The following ICA1L variants were observed in gnomAD, a reference collection of about 807,000 sequenced individuals.
The protein encoded by ICA1L is islet cell autoantigen 1 like.
Under a neutral mutation model 61.3 loss-of-function variants are expected in ICA1L, and 50 were observed. The ratio of observed to expected loss-of-function variants is 0.82; its 90% CI spans 0.65 to 1.03. The LOEUF is 1.03. Ranked by LOEUF, ICA1L falls within the 50% of genes least tolerant of loss-of-function variation. ICA1L has a pLI of 0.00. For synonymous variants in ICA1L, 161 were observed against 191.3 expected, an observed-to-expected ratio of 0.84 and a Z score of 1.31; for missense variants, 508 against 556.7, an observed-to-expected ratio of 0.91 and a Z score of 0.88.
At chr2:202,863,939 G>A (rs1687381628) in intron 1 of ICA1L, among the ~76,000 whole-genome samples, 1 of 151,774 alleles carries the variant, frequency 6.6e-6, no homozygotes, top group Admixed American at 6.6e-5. Context: ...TACAACTTAA[G>A]TTAAATAGAC....
intron 10 of ICA1L, among the ~76,000 whole-genome samples, chr2:202,792,488 A>G (rs34022184): frequency 0.014 from 2,130 of 152,336 alleles, 20 homozygotes; most frequent in Non-Finnish European, 0.024. Flanking sequence ...TATCCATACA[A>G]TGGAATACTA....
At chr2:202,796,791 T>C in intron 10 of ICA1L, 99 bp downstream of exon 10, 1 of 659,766 alleles carries the variant, frequency 1.5e-6, no homozygotes, top group Non-Finnish European at 2.5e-6. Flanking sequence ...CATTCTTATG[T>C]AGAGACCCAG....
At chr2:202,829,848 T>C (rs1220252380) in intron 1 of ICA1L, among the ~76,000 whole-genome samples, 1 of 152,236 alleles carries the variant, frequency 6.6e-6, no homozygotes, top group Admixed American at 6.5e-5. Flanking sequence ...GTAATAAAAC[T>C]GCAAAATAAA....
At chr2:202,859,503 T>C (rs531537886) in intron 1 of ICA1L, among the ~76,000 whole-genome samples, 7 of 152,324 alleles carry the variant, frequency 4.6e-5, no homozygotes, top group African/African-American at 1.4e-4. Context: ...ACTGTAATCA[T>C]AACATCAATA....
chr2:202,830,542 A>T (rs17594321), intron 1 of ICA1L, among the ~76,000 whole-genome samples: 63,684 of 152,164 alleles, frequency 0.42, 14,271 homozygotes, highest in Middle Eastern at 0.66. Context: ...AACATTTTGG[A>T]TCTAAAGCCC....
chr2:202,833,707 T>C (rs1322314914), intron 1 of ICA1L, among the ~76,000 whole-genome samples: 1 of 152,228 alleles, frequency 6.6e-6, no homozygotes, highest in East Asian at 1.9e-4. Context: ...ATTACAGATG[T>C]TATGTATATC....
intron 4 of ICA1L, 135 bp from the exon 5 acceptor site, chr2:202,820,034 A>G (rs1001767634): frequency 1.5e-6 from 1 of 679,750 alleles, no homozygotes; most frequent in Non-Finnish European, 2.5e-6. Context: ...TCCTAAGGAG[A>G]TTTTGAAAGC....
At chr2:202,796,798 C>T (rs1692938993) in intron 10 of ICA1L, 92 bp downstream of exon 10, 3 of 707,428 alleles carry the variant, frequency 4.2e-6, no homozygotes, top group Middle Eastern at 4.1e-4. Context: ...ATGTAGAGAC[C>T]CAGACAGTTT....
intron 9 of ICA1L, among the ~76,000 whole-genome samples, chr2:202,804,153 G>C (rs1693164722): frequency 1.3e-5 from 2 of 152,264 alleles, no homozygotes; most frequent in Admixed American, 1.3e-4. Flanking sequence ...CATGCTTACA[G>C]GCACATTCCA....
In ICA1L at chr2:202,778,427, G is replaced by C. The variant is rs1222235970; in HGVS notation, c.*1106C>G. On this transcript the variant is annotated 3_prime_UTR_variant, in exon 13 of 13. Coordinates refer to ENST00000358299, the MANE Select transcript of ICA1L (RefSeq NM_001288622.3). ...ACAGATTTTGCTTAGTAATCAAATA[G>C]AACCTCAGATCATGTCACCCACAGA... 6.6e-6 allele frequency: 1 copy of C among 152,070 alleles called. No homozygotes were observed. Among genetic ancestry groups the C allele is most frequent in the Non-Finnish European group, 1.5e-5 (1 of 68,000 alleles). The allele number at this position is 152,070 out of a possible 1,614,324, so 9.4% of individuals were successfully genotyped here. A position where few individuals can be genotyped will look rare whatever the true frequency, so the allele number is the denominator to read the frequency against.
chr2:202,823,886 G>A (rs2105854500), intron 3 of ICA1L, among the ~76,000 whole-genome samples: 1 of 152,040 alleles, frequency 6.6e-6, no homozygotes, highest in South Asian at 2.1e-4. Context: ...TACTTCCTTG[G>A]GAAAAGCACA....
At chr2:202,864,486 G>A (rs1687415381) in intron 1 of ICA1L, among the ~76,000 whole-genome samples, 2 of 151,982 alleles carry the variant, frequency 1.3e-5, no homozygotes, top group Non-Finnish European at 2.9e-5. Context: ...ACCCGCCTCG[G>A]CCTCCCAAAG....
At chr2:202,845,729 C>T (rs1694447979) in intron 1 of ICA1L, among the ~76,000 whole-genome samples, 1 of 151,822 alleles carries the variant, frequency 6.6e-6, no homozygotes, top group Admixed American at 6.6e-5. Flanking sequence ...TAAAATAAAA[C>T]AAATCAATAA....
intron 1 of ICA1L, among the ~76,000 whole-genome samples, chr2:202,868,922 C>G (rs1197305648): frequency 6.6e-6 from 1 of 151,926 alleles, no homozygotes; most frequent in Non-Finnish European, 1.5e-5. Flanking sequence ...GAGCTGAGAT[C>G]GCGCCACTGC....
intron 1 of ICA1L, among the ~76,000 whole-genome samples, chr2:202,839,598 GTGTGTGTGTGTGTGTGTGTGTT>G (rs1370466618): frequency 4.3e-5 from 4 of 94,106 alleles, no homozygotes; most frequent in Non-Finnish European, 5.2e-5. Flanking sequence ...GTGTGTGTGT[GTGTGTGTGTGTGTGTGTGTGTT>G]TTGTTTTGTT....
rs370573781 is a variant in ICA1L, at chr2:202,782,614, G to A, written c.1334-2966C>T. Among the ~76,000 whole-genome samples, 27 of 151,996 alleles carry A rather than the reference G, an allele frequency of 1.8e-4. No individual in the cohort carries two copies. In the East Asian group the frequency reaches 3.3e-3, roughly 19 times the overall value. On this transcript the variant is annotated intron_variant, in intron 12 of 12. Transcript: ENST00000358299. ...AGTAGAGACGGGGTTTCACCATGTT[G>A]GCCAGGCTGGTCTTGAACTCCTGAC... is the stretch of plus-strand genomic sequence containing the variant.
chr2:202,828,660 ATTTTCAG>A (rs1693916186), intron 2 of ICA1L, among the ~76,000 whole-genome samples, 181 bp downstream of exon 2: 1 of 152,154 alleles, frequency 6.6e-6, no homozygotes, highest in Non-Finnish European at 1.5e-5. Flanking sequence ...AATTTTGCAA[ATTTTCAG>A]TTTGTGAGAG....
chr2:202,819,950 C>T (rs1445461314), intron 4 of ICA1L, 51 bp from the exon 5 acceptor site: 1 of 1,369,702 alleles, frequency 7.3e-7, no homozygotes, highest in East Asian at 2.4e-5. Context: ...ATAAGTAAAA[C>T]AAAACAAAGG....
chr2:202,841,180 C>T, intron 1 of ICA1L: 1 of 674,068 alleles, frequency 1.5e-6, no homozygotes, highest in Non-Finnish European at 2.7e-6. Flanking sequence ...TAAGCTTCAT[C>T]CACATACTGC....
Sources: gnomAD v4.1 joint callset for allele counts (sites outside exome capture counted in the v4.1 genomes callset) on GRCh38, gnomAD v4.1.1 for gene constraint, MANE v1.5 for transcripts, NCBI Gene and HGNC (gene_info 2026-07-23, HGNC 2026-07-21) for gene names.